SGCG: variants seen among roughly 807,000 people sequenced by gnomAD.
SGCG encodes the protein sarcoglycan gamma.
SGCG carries 26 observed loss-of-function variants against 29.3 expected under a neutral mutation model. That is an observed-to-expected ratio of 0.89 (90% CI 0.65 to 1.23). SGCG has a LOEUF of 1.23. Ranked by LOEUF, SGCG falls within the 50% of genes most tolerant of loss-of-function variation. The pLI, the probability that SGCG is intolerant of heterozygous loss-of-function variation, is 0.00. For synonymous variants in SGCG, 145 were observed against 129.7 expected, an observed-to-expected ratio of 1.12 and a Z score of -0.80; for missense variants, 353 against 356.0, an observed-to-expected ratio of 0.99 and a Z score of 0.07.
At chr13:23,178,357 T>C (rs1435336075), upstream of SGCG, among the ~76,000 whole-genome samples, 1 of 152,194 alleles carries the variant, frequency 6.6e-6, no homozygotes, top group Non-Finnish European at 1.5e-5. Context: ...GCCCTAAGTC[T>C]GTCTTCTGTG....
intron 3 of SGCG, among the ~76,000 whole-genome samples, chr13:23,235,911 G>A (rs1879289952): frequency 2.0e-5 from 3 of 152,184 alleles, no homozygotes; most frequent in Admixed American, 6.5e-5. Flanking sequence ...TCCTGAACCA[G>A]ACATTCGCCA....
At chr13:23,303,703 G>A (rs1028229380) in intron 6 of SGCG, among the ~76,000 whole-genome samples, 10 of 152,174 alleles carry the variant, frequency 6.6e-5, no homozygotes, top group Admixed American at 2.6e-4. Context: ...TTTACAATGT[G>A]CTTGTGCAGG....
intron 5 of SGCG, among the ~76,000 whole-genome samples, chr13:23,290,094 A>C (rs1357433151): frequency 6.6e-6 from 1 of 152,224 alleles, no homozygotes. Flanking sequence ...AGGAGACTCA[A>C]AGATGATATT....
intron 1 of SGCG, among the ~76,000 whole-genome samples, chr13:23,198,255 A>T (rs1281684245): frequency 2.0e-5 from 3 of 152,150 alleles, no homozygotes; most frequent in Admixed American, 2.0e-4. Flanking sequence ...CAGACTCTTG[A>T]TAATGGCCTA....
At chr13:23,197,633 A>C (rs1487875377) in intron 1 of SGCG, among the ~76,000 whole-genome samples, 4 of 152,350 alleles carry the variant, frequency 2.6e-5, no homozygotes, top group East Asian at 3.9e-4. Context: ...GAGAATTAGT[A>C]TATTGGAAGG....
At chr13:23,165,042 C>G in the SGCG span, among the ~76,000 whole-genome samples, 3 of 152,170 alleles carry the variant, frequency 2.0e-5, no homozygotes, top group South Asian at 6.2e-4. Context: ...AGCATAAGCT[C>G]AAGATTAGAT....
chr13:23,278,419 G>A (rs1377406464), intron 4 of SGCG, among the ~76,000 whole-genome samples: 1 of 150,100 alleles, frequency 6.7e-6, no homozygotes, highest in Non-Finnish European at 1.5e-5. Flanking sequence ...CTCCAGCCTG[G>A]GCGACATGAG....
At chr13:23,313,493 T>C (rs761387923) in intron 6 of SGCG, among the ~76,000 whole-genome samples, 9 of 152,176 alleles carry the variant, frequency 5.9e-5, no homozygotes, top group Non-Finnish European at 7.3e-5. Context: ...GACATTAATA[T>C]GACATGAGCA....
chr13:23,236,265 C>G (rs1202292395), intron 3 of SGCG, among the ~76,000 whole-genome samples: 3 of 152,064 alleles, frequency 2.0e-5, no homozygotes, highest in African/African-American at 7.2e-5. Context: ...TCTTTTTTCC[C>G]CAGAGTTGTG....
chr13:23,249,380 G>A (rs1879870186), intron 3 of SGCG, among the ~76,000 whole-genome samples: 1 of 152,062 alleles, frequency 6.6e-6, no homozygotes, highest in Non-Finnish European at 1.5e-5. Context: ...TCAACATTTC[G>A]CTTCACTTAA....
At chr13:23,214,625 C>A (rs969172901) in intron 2 of SGCG, among the ~76,000 whole-genome samples, 4 of 152,218 alleles carry the variant, frequency 2.6e-5, no homozygotes, top group African/African-American at 7.2e-5. Context: ...ACCCTATCCC[C>A]TGCTGTTCTC....
chr13:23,184,426 G>A (rs1876886700), intron 1 of SGCG, among the ~76,000 whole-genome samples: 1 of 151,576 alleles, frequency 6.6e-6, no homozygotes, highest in Non-Finnish European at 1.5e-5. Flanking sequence ...AAAATTTTAG[G>A]CTTAGTATAA....
chr13:23,238,185 G>A (rs1384513661), intron 3 of SGCG, among the ~76,000 whole-genome samples: 3 of 152,166 alleles, frequency 2.0e-5, no homozygotes, highest in African/African-American at 7.2e-5. Flanking sequence ...AGGGAGGGGA[G>A]CCAATGCAGA....
At chr13:23,207,958 A>G (rs1370648722) in intron 2 of SGCG, among the ~76,000 whole-genome samples, 1 of 152,166 alleles carries the variant, frequency 6.6e-6, no homozygotes, top group Non-Finnish European at 1.5e-5. Context: ...GTATTTATCC[A>G]AAAGAATGGA....
At chr13:23,178,555 A>C (rs1000456313), upstream of SGCG, among the ~76,000 whole-genome samples, 1 of 152,196 alleles carries the variant, frequency 6.6e-6, no homozygotes. Flanking sequence ...AACTATTAAA[A>C]TGAGACTACT....
the SGCG span, among the ~76,000 whole-genome samples, chr13:23,164,098 T>C: frequency 2.0e-5 from 3 of 152,320 alleles, no homozygotes; most frequent in South Asian, 4.1e-4. Flanking sequence ...CAGGTTTTTG[T>C]TTTCCTGTCT....
At chr13:23,221,900 C>T (rs1878670311) in intron 2 of SGCG, among the ~76,000 whole-genome samples, 1 of 152,204 alleles carries the variant, frequency 6.6e-6, no homozygotes, top group Non-Finnish European at 1.5e-5. Context: ...ATATATTATC[C>T]TGTGCACTGA....
At chr13:23,160,589 G>C in the SGCG span, among the ~76,000 whole-genome samples, 78 of 152,248 alleles carry the variant, frequency 5.1e-4, no homozygotes, top group African/African-American at 1.8e-3. Flanking sequence ...TCATCCCGTC[G>C]GGAATGAAGG....
At chr13:23,182,462 C>T (rs1299930301) in intron 1 of SGCG, among the ~76,000 whole-genome samples, 2 of 151,872 alleles carry the variant, frequency 1.3e-5, no homozygotes, top group Non-Finnish European at 2.9e-5. Context: ...CCTGTCTCTC[C>T]CTCCCTCCCT....
Sources: allele counts gnomAD v4.1 joint callset (sites outside exome capture counted in the v4.1 genomes callset), GRCh38; gene constraint gnomAD v4.1.1; transcripts MANE v1.5; gene names NCBI Gene and HGNC (gene_info 2026-07-23, HGNC 2026-07-21).